TEX15: variants seen among roughly 807,000 people sequenced by gnomAD.
TEX15 encodes testis expressed 15, meiosis and synapsis associated.
Under a neutral mutation model 237.3 loss-of-function variants are expected in TEX15, and 171 were observed. That is an observed-to-expected ratio of 0.72 (90% confidence interval 0.64 to 0.82). The LOEUF (loss-of-function observed/expected upper bound fraction) is 0.82. TEX15 is among the 40% of genes least tolerant of loss of function. TEX15 has a pLI of 0.00. For synonymous variants in TEX15, 1,338 were observed against 1,269.8 expected (o/e 1.05, Z -1.14); for missense variants, 3,750 against 3,646.5 (o/e 1.03, Z -0.73).
In TEX15 at chr8:30,837,114, A is replaced by G; in HGVS notation, c.9170T>C (p.Ile3057Thr). ...TGTTATCCCTTGGTATGTCTGGGTA[A>G]TGGCATTGCCATTGCTGTTGCTGTA... ...YQYSNSNGNA[I>T]TQTYQGITSY... Residue 3057 changes from isoleucine (I) to threonine (T), a missense_variant, in exon 10 of 11, where the codon ATT becomes ACT. Ile to Thr is a moderately conservative substitution (Grantham distance 89). Coordinates refer to ENST00000643185, the MANE Select transcript of TEX15 (RefSeq NM_001350162.2). The G allele has an allele frequency of 6.2e-7, 1 of 1,614,150 alleles. No homozygotes were observed. The highest frequency in any genetic ancestry group is 2.2e-5 in the East Asian group (1 of 44,878).
At chr8:30,869,156 A>G (rs868305649) in intron 4 of TEX15, among the ~76,000 whole-genome samples, 1 of 152,030 alleles carries the variant, frequency 6.6e-6, no homozygotes, top group South Asian at 2.1e-4. Context: ...CTGGCTCTAA[A>G]AATTGCATAA....
chr8:30,869,523 T>C (rs954926638), intron 4 of TEX15, among the ~76,000 whole-genome samples: 1 of 152,024 alleles, frequency 6.6e-6, no homozygotes, highest in Admixed American at 6.6e-5. Flanking sequence ...GTGTGTTTTA[T>C]ACTAACTCCC....
chr8:30,906,671 G>T (rs1585319102), intron 1 of TEX15, among the ~76,000 whole-genome samples: 1 of 151,760 alleles, frequency 6.6e-6, no homozygotes, highest in Non-Finnish European at 1.5e-5. Context: ...AAGCAGGCAT[G>T]TAATACCTTA....
At chr8:30,867,603 T>A in intron 4 of TEX15, 101 bp from the exon 5 acceptor site, 1 of 696,936 alleles carries the variant, frequency 1.4e-6, no homozygotes, top group Non-Finnish European at 2.4e-6. Context: ...GCAAGAGAAG[T>A]AGCGATATTC....
chr8:30,885,803 C>T (rs144902044), intron 3 of TEX15, among the ~76,000 whole-genome samples: 20 of 152,242 alleles, frequency 1.3e-4, no homozygotes, highest in African/African-American at 4.1e-4. Flanking sequence ...TTTCTGATAA[C>T]GGGGTATTTC....
chr8:30,908,641 G>A (rs1035560471), intron 1 of TEX15, among the ~76,000 whole-genome samples: 9 of 152,140 alleles, frequency 5.9e-5, no homozygotes, highest in African/African-American at 2.2e-4. Context: ...AAGAAGCAAA[G>A]GATTGGCAGT....
chr8:30,837,053 C>A lies in TEX15; in HGVS notation c.9231G>T (p.Leu3077Phe). The A allele has an allele frequency of 6.2e-7, 1 of 1,614,090 alleles. No individual in the cohort carries two copies. Among genetic ancestry groups the A allele is most frequent in the South Asian group, 1.1e-5 (1 of 91,046 alleles). The change falls in exon 10 of 11, where the codon TTG becomes TTT. Residue 3077 changes from leucine (L) to phenylalanine (F), a missense_variant. Leu to Phe is a conservative substitution (Grantham distance 22, BLOSUM62 0). Coordinates refer to ENST00000643185, the MANE Select transcript of TEX15 (RefSeq NM_001350162.2). ...CCTGGGCAGTACTTGCAACTGTGGT[C>A]AACAGCCCAGAAGGAGATGGCTGTA... ...YEVQPSPSGL[L>F]TTVASTAQGT...
chr8:30,836,740 A>T (rs1807308981), intron 10 of TEX15, 63 bp downstream of exon 10: 5 of 1,373,234 alleles, frequency 3.6e-6, no homozygotes, highest in East Asian at 4.6e-5. Flanking sequence ...AATTTCACTT[A>T]CATAAATGGA....
chr8:30,840,175 T>C (rs1160705006), intron 8 of TEX15, among the ~76,000 whole-genome samples: 1 of 152,042 alleles, frequency 6.6e-6, no homozygotes, highest in African/African-American at 2.4e-5. Context: ...AAAAATAAAT[T>C]TGTAACATTC....
intron 1 of TEX15, among the ~76,000 whole-genome samples, chr8:30,906,932 A>C (rs115129517): frequency 0.022 from 3,301 of 152,202 alleles, 113 homozygotes; most frequent in African/African-American, 0.075. Context: ...GAGGAACTTA[A>C]AACAATTTTT....
At chr8:30,889,934 C>CAT (rs374692942) in intron 2 of TEX15, among the ~76,000 whole-genome samples, 21,787 of 123,150 alleles carry the variant, frequency 0.18, 2,337 homozygotes, top group African/African-American at 0.31. Context: ...TAGTTATATA[C>CAT]ATATATATAT....
At chr8:30,862,878 T>C (rs1223803238) in intron 5 of TEX15, among the ~76,000 whole-genome samples, 1 of 152,230 alleles carries the variant, frequency 6.6e-6, no homozygotes, top group Non-Finnish European at 1.5e-5. Context: ...TGAGACTTTT[T>C]AAGATTTTGA....
chr8:30,848,543 T>C lies in TEX15; in HGVS notation c.1624A>G (p.Ile542Val), dbSNP rs145717254. 1.9e-6 allele frequency: 3 copies of C among 1,613,940 alleles called. No individual in the cohort carries two copies. The highest frequency in any genetic ancestry group is 2.5e-6 in the Non-Finnish European group (3 of 1,180,008). The change falls in exon 8 of 11, where the codon ATT (isoleucine) becomes GTT (valine). Residue 542 changes from isoleucine (I) to valine (V), a missense_variant. Ile to Val is a conservative substitution (Grantham distance 29). Transcript: ENST00000643185. ...TCTGACACTACATTTGACACAGAAA[T>C]TGGGAAGGAAAAATTACCTTGGTCC... ...CKDQGNFSFP[I>V]SVSNVVSEVE...
At chr8:30,866,992 G>A (rs1171361502) in intron 5 of TEX15, among the ~76,000 whole-genome samples, 1 of 150,368 alleles carries the variant, frequency 6.7e-6, no homozygotes, top group Non-Finnish European at 1.5e-5. Context: ...GTAAAAGAGA[G>A]GTGGGTAAAT....
chr8:30,877,020 A>G (rs1044694433), intron 3 of TEX15, among the ~76,000 whole-genome samples: 2 of 152,154 alleles, frequency 1.3e-5, no homozygotes, highest in Non-Finnish European at 2.9e-5. Flanking sequence ...CCATGATTGT[A>G]AGTTTCCTAA....
intron 3 of TEX15, among the ~76,000 whole-genome samples, chr8:30,879,944 A>G (rs1208588445): frequency 6.6e-6 from 1 of 152,048 alleles, no homozygotes; most frequent in Non-Finnish European, 1.5e-5. Flanking sequence ...TTTTTAAAAA[A>G]AAAAATCAGT....
At chr8:30,881,199 G>A (rs1563266640) in intron 3 of TEX15, among the ~76,000 whole-genome samples, 2 of 152,046 alleles carry the variant, frequency 1.3e-5, no homozygotes, top group East Asian at 1.9e-4. Flanking sequence ...AATGGTCTGT[G>A]GGGTGTTTTC....
chr8:30,861,033 G>A (rs1332600565), intron 5 of TEX15, among the ~76,000 whole-genome samples: 1 of 151,442 alleles, frequency 6.6e-6, no homozygotes, highest in Non-Finnish European at 1.5e-5. Flanking sequence ...ACAAGAAAAA[G>A]CAGAGAAAAG....
At chr8:30,910,514 G>A (rs568408826) in intron 1 of TEX15, among the ~76,000 whole-genome samples, 1 of 151,838 alleles carries the variant, frequency 6.6e-6, no homozygotes, top group African/African-American at 2.4e-5. Flanking sequence ...ATGTGATCAC[G>A]GTTTCCTGCA....
Sources: gnomAD v4.1 joint callset for allele counts (sites outside exome capture counted in the v4.1 genomes callset) on GRCh38, gnomAD v4.1.1 for gene constraint, MANE v1.5 for transcripts, NCBI Gene and HGNC (gene_info 2026-07-23, HGNC 2026-07-21) for gene names.